The following SGCD variants were observed in gnomAD, a reference collection of about 807,000 sequenced individuals.
The protein encoded by SGCD is delta-sarcoglycan.
Under a neutral mutation model 36.6 loss-of-function variants are expected in SGCD, and 18 were observed. The ratio of observed to expected loss-of-function variants is 0.49; its 90% CI spans 0.34 to 0.73. The LOEUF is 0.73. Among genes scored for constraint, SGCD ranks in the 30% least tolerant of loss-of-function variants. The pLI, the probability that SGCD is intolerant of heterozygous loss-of-function variation, is 0.01. For synonymous variants in SGCD, 133 were observed against 130.6 expected, an observed-to-expected ratio of 1.02 and a Z score of -0.12; for missense variants, 387 against 346.7, an observed-to-expected ratio of 1.12 and a Z score of -0.92.
intron 6 of SGCD, among the ~76,000 whole-genome samples, chr5:156,624,791 C>T (rs1028329355): frequency 6.6e-6 from 1 of 151,970 alleles, no homozygotes; most frequent in African/African-American, 2.4e-5. Flanking sequence ...TCTGTGATTC[C>T]TAGACAGAAA....
In SGCD at chr5:156,197,956, G is replaced by A. The variant is rs368776950; in HGVS notation, c.-44+73937G>A. Among the ~76,000 whole-genome samples, 5 of 152,050 alleles carry A rather than the reference G, an allele frequency of 3.3e-5. No homozygotes were observed. The East Asian group carries it at 7.7e-4, about 23-fold the overall frequency. ...ATTAGCATAGAGGAGGGAGGAAGCCGGGGTTATCCTGTTTTCTAACCCCAA... is the reference window on the plus strand; with the variant it reads ...ATTAGCATAGAGGAGGGAGGAAGCCAGGGTTATCCTGTTTTCTAACCCCAA... On this transcript the variant is annotated intron_variant, in intron 3 of 9. Transcript: ENST00000517913.
At chr5:155,823,332 G>T in the SGCD span, among the ~76,000 whole-genome samples, 1 of 151,680 alleles carries the variant, frequency 6.6e-6, no homozygotes, top group Non-Finnish European at 1.5e-5. Flanking sequence ...AAGGTCGGGG[G>T]GTGGTGGATT....
At chr5:156,706,091 T>C (rs558876140) in intron 7 of SGCD, among the ~76,000 whole-genome samples, 4 of 152,314 alleles carry the variant, frequency 2.6e-5, no homozygotes, top group African/African-American at 7.2e-5. Flanking sequence ...TAGCATATTA[T>C]CTACCTTCTG....
intron 7 of SGCD, among the ~76,000 whole-genome samples, chr5:156,713,073 C>T (rs1755063979): frequency 6.6e-6 from 1 of 152,076 alleles, no homozygotes; most frequent in Non-Finnish European, 1.5e-5. Flanking sequence ...CAACTTTCCT[C>T]TCAGGTAGAA....
At chr5:156,133,645 G>T (rs907092965) in intron 3 of SGCD, among the ~76,000 whole-genome samples, 3 of 151,974 alleles carry the variant, frequency 2.0e-5, no homozygotes, top group Admixed American at 6.6e-5. Context: ...AATGTTCTTC[G>T]ATTCTGCTTC....
intron 4 of SGCD, among the ~76,000 whole-genome samples, chr5:156,508,983 G>C (rs1041188387): frequency 1.3e-5 from 2 of 152,186 alleles, no homozygotes; most frequent in Non-Finnish European, 2.9e-5. Flanking sequence ...ATGTGGAACA[G>C]CCATAAATAA....
chr5:156,141,124 C>T (rs561745636), intron 3 of SGCD, among the ~76,000 whole-genome samples: 16 of 152,158 alleles, frequency 1.1e-4, no homozygotes, highest in Non-Finnish European at 2.1e-4. Flanking sequence ...GCCAATTCTG[C>T]AGGCTTATGG....
At chr5:156,699,572 T>A (rs1754450947) in intron 7 of SGCD, among the ~76,000 whole-genome samples, 1 of 152,248 alleles carries the variant, frequency 6.6e-6, no homozygotes, top group South Asian at 2.1e-4. Flanking sequence ...TGACTTGTTC[T>A]TCTCAAACAA....
chr5:156,096,020 A>G (rs1338184060), intron 1 of SGCD, among the ~76,000 whole-genome samples: 1 of 152,234 alleles, frequency 6.6e-6, no homozygotes, highest in Admixed American at 6.5e-5. Flanking sequence ...TCCTTGTACC[A>G]GTGAAACATA....
chr5:156,206,812 A>G (rs1011375322), intron 3 of SGCD, among the ~76,000 whole-genome samples: 7 of 151,992 alleles, frequency 4.6e-5, no homozygotes, highest in Non-Finnish European at 8.8e-5. Flanking sequence ...AATATATCCA[A>G]AAGAAACAAG....
At chr5:156,084,271 A>G (rs1761040510) in intron 1 of SGCD, among the ~76,000 whole-genome samples, 1 of 152,194 alleles carries the variant, frequency 6.6e-6, no homozygotes, top group Non-Finnish European at 1.5e-5. Flanking sequence ...TAATTTTTTC[A>G]ACAGCACTTT....
chr5:155,739,686 C>T, the SGCD span, among the ~76,000 whole-genome samples: 77 of 152,228 alleles, frequency 5.1e-4, no homozygotes, highest in African/African-American at 1.8e-3. Flanking sequence ...AAGGAACATA[C>T]ACTTGAATAA....
chr5:155,901,902 A>G (rs1044290877), intron 1 of SGCD, among the ~76,000 whole-genome samples: 2 of 152,214 alleles, frequency 1.3e-5, no homozygotes, highest in African/African-American at 4.8e-5. Flanking sequence ...ACAGATGGTA[A>G]TGGTTTAGTG....
At chr5:156,187,781 G>C (rs1835916) in intron 3 of SGCD, among the ~76,000 whole-genome samples, 43,757 of 151,978 alleles carry the variant, frequency 0.29, 6,755 homozygotes, top group East Asian at 0.6. Context: ...ACTGGCCAGA[G>C]ATGATGTAAT....
intron 7 of SGCD, among the ~76,000 whole-genome samples, chr5:156,688,763 G>A (rs1032999635): frequency 3.9e-5 from 6 of 152,190 alleles, no homozygotes; most frequent in African/African-American, 1.4e-4. Context: ...GGTATTCAGT[G>A]AGGAGAAAAT....
chr5:155,965,321 C>A lies in SGCD; in HGVS notation c.-282+94897C>A, dbSNP rs1418176028. Among the ~76,000 whole-genome samples the A allele has an allele frequency of 4.6e-5, 7 of 152,264 alleles. No homozygotes were observed. The South Asian group carries it at 1.4e-3, about 32-fold the overall frequency. On this transcript the variant is annotated intron_variant, in intron 1 of 9. Transcript: ENST00000517913. The stretch of plus-strand genomic sequence containing the variant: ...ATGTATCCTAGACTTCAACCTACAT[C>A]AGCAGTATCAGAGGCACTTGATCTG...
At chr5:156,357,152 T>C (rs1188758739) in intron 3 of SGCD, among the ~76,000 whole-genome samples, 1 of 152,240 alleles carries the variant, frequency 6.6e-6, no homozygotes, top group Non-Finnish European at 1.5e-5. Flanking sequence ...CTATTAAGCG[T>C]GCAGTCACCA....
chr5:155,807,240 A>T, the SGCD span, among the ~76,000 whole-genome samples: 2 of 152,184 alleles, frequency 1.3e-5, no homozygotes, highest in East Asian at 3.9e-4. Context: ...TCTCTTGTGC[A>T]TTTAAATCCT....
chr5:156,629,980 G>A (rs765028191), intron 6 of SGCD, among the ~76,000 whole-genome samples: 32 of 149,776 alleles, frequency 2.1e-4, no homozygotes, highest in Non-Finnish European at 3.1e-4. Flanking sequence ...TCCTGCCTCA[G>A]CCTCCTCAGT....
Sources: allele counts gnomAD v4.1 joint callset (sites outside exome capture counted in the v4.1 genomes callset), GRCh38; gene constraint gnomAD v4.1.1; transcripts MANE v1.5; gene names NCBI Gene and HGNC (gene_info 2026-07-23, HGNC 2026-07-21).